HMG20A: variants seen among roughly 807,000 people sequenced by gnomAD.
HMG20A encodes the protein high mobility group 20A.
A neutral mutation model predicts 43.9 loss-of-function variants in HMG20A; 17 were observed. The ratio of observed to expected loss-of-function variants is 0.39; its 90% CI spans 0.27 to 0.58. The LOEUF is 0.58. Among genes scored for constraint, HMG20A ranks in the 20% least tolerant of loss-of-function variants. The probability of loss-of-function intolerance (pLI) is 0.59; values close to 1 mark genes in which losing one functional copy is unlikely to be tolerated. For synonymous variants in HMG20A, 132 were observed against 147.5 expected, an observed-to-expected ratio of 0.89 and a Z score of 0.76; for missense variants, 341 against 438.2, an observed-to-expected ratio of 0.78 and a Z score of 1.98.
chr15:77,444,186 C>T (rs556705931), intron 1 of HMG20A, among the ~76,000 whole-genome samples: 158 of 152,084 alleles, frequency 1.0e-3, no homozygotes, highest in Non-Finnish European at 2.0e-3. Context: ...TAAGTTTTAG[C>T]CCCATTTTAC....
chr15:77,456,597 C>G lies in HMG20A; in HGVS notation c.-4-1807C>G, dbSNP rs111850282. ...TGGGAGGCTGAAGCACAAGAATCAC[C>G]TGAACCTGGGAGGCGTGGGCAACAG... On this transcript the variant is annotated intron_variant, in intron 1 of 9. Coordinates refer to ENST00000336216, the MANE Select transcript of HMG20A (RefSeq NM_001304504.2). 1.9e-3 allele frequency among the ~76,000 whole-genome samples: 284 copies of G among 147,568 alleles called. 4 individuals carry two copies. The highest frequency in any genetic ancestry group is 0.018 in the Middle Eastern group (5 of 284).
At chr15:77,432,924 A>G (rs981439726) in intron 1 of HMG20A, among the ~76,000 whole-genome samples, 3 of 152,196 alleles carry the variant, frequency 2.0e-5, no homozygotes, top group Non-Finnish European at 2.9e-5. Context: ...GTAGGAAGAT[A>G]CTATGAACAA....
chr15:77,486,318 T>C (rs372208058), downstream of HMG20A, among the ~76,000 whole-genome samples: 11 of 150,342 alleles, frequency 7.3e-5, no homozygotes, highest in East Asian at 1.4e-3. Context: ...TGGAGTGCAG[T>C]GGCACGATCT....
chr15:77,440,974 T>C (rs780628891), intron 1 of HMG20A, among the ~76,000 whole-genome samples: 14 of 152,198 alleles, frequency 9.2e-5, no homozygotes, highest in Non-Finnish European at 1.6e-4. Context: ...CATACACGTA[T>C]AGCTCTTAAA....
At chr15:77,460,351 G>A (rs59386622) in intron 2 of HMG20A, among the ~76,000 whole-genome samples, 33,511 of 152,116 alleles carry the variant, frequency 0.22, 4,146 homozygotes, top group Middle Eastern at 0.3. Context: ...GCAGTCAAAG[G>A]CAACTCAAAA....
chr15:77,498,805 A>C, the HMG20A span, among the ~76,000 whole-genome samples: 9 of 152,236 alleles, frequency 5.9e-5, no homozygotes, highest in Non-Finnish European at 1.3e-4. Flanking sequence ...GGGCCACTTC[A>C]GCATCACCTC....
intron 9 of HMG20A, among the ~76,000 whole-genome samples, chr15:77,481,031 G>A (rs1489902376): frequency 6.6e-6 from 1 of 152,178 alleles, no homozygotes; most frequent in Non-Finnish European, 1.5e-5. Context: ...TATTTGTCCT[G>A]TGAGTACATG....
At chr15:77,453,187 C>CA (rs1183702755) in intron 1 of HMG20A, among the ~76,000 whole-genome samples, 1 of 152,180 alleles carries the variant, frequency 6.6e-6, no homozygotes, top group Non-Finnish European at 1.5e-5. Flanking sequence ...GCCAGGATCA[C>CA]ACCAGTGCAC....
downstream of HMG20A, among the ~76,000 whole-genome samples, chr15:77,487,754 C>T (rs898663666): frequency 2.0e-5 from 3 of 152,190 alleles, no homozygotes; most frequent in African/African-American, 7.2e-5. Context: ...AAAGAATTTC[C>T]TGCCTTGCAA....
At chr15:77,426,173 G>A (rs1370469624) in intron 1 of HMG20A, among the ~76,000 whole-genome samples, 9 of 152,084 alleles carry the variant, frequency 5.9e-5, no homozygotes, top group Admixed American at 5.9e-4. Flanking sequence ...AGATAGTGGT[G>A]GTGGTTGCAT....
the HMG20A span, among the ~76,000 whole-genome samples, chr15:77,493,341 G>C: frequency 1.4e-4 from 22 of 152,070 alleles, no homozygotes; most frequent in African/African-American, 5.3e-4. Flanking sequence ...GTCAGGAAAA[G>C]AGCACAAAAA....
intron 4 of HMG20A, among the ~76,000 whole-genome samples, chr15:77,469,959 C>T (rs1220167893): frequency 2.6e-5 from 4 of 152,304 alleles, no homozygotes; most frequent in South Asian, 2.1e-4. Context: ...TGAGCCACCA[C>T]GCTCAGCCTC....
downstream of HMG20A, among the ~76,000 whole-genome samples, chr15:77,488,266 G>C (rs2072955736): frequency 6.6e-6 from 1 of 152,164 alleles, no homozygotes; most frequent in African/African-American, 2.4e-5. Context: ...TTAAGAGCCA[G>C]AGTTTTTTAT....
At chr15:77,462,437 A>G (rs561218958) in intron 2 of HMG20A, among the ~76,000 whole-genome samples, 1 of 152,264 alleles carries the variant, frequency 6.6e-6, no homozygotes, top group South Asian at 2.1e-4. Context: ...GAGAATATCT[A>G]GCACTGCCCA....
At chr15:77,465,554 C>T (rs1424764421) in intron 3 of HMG20A, among the ~76,000 whole-genome samples, 1 of 151,996 alleles carries the variant, frequency 6.6e-6, no homozygotes, top group East Asian at 1.9e-4. Flanking sequence ...TGCCATCATG[C>T]CCAGGCAATT....
chr15:77,468,735 G>T (rs990026221), intron 4 of HMG20A, among the ~76,000 whole-genome samples: 2 of 152,096 alleles, frequency 1.3e-5, no homozygotes, highest in Non-Finnish European at 2.9e-5. Context: ...GTATGTCAAA[G>T]AATATTTTCT....
chr15:77,425,798 A>G (rs1471467964), intron 1 of HMG20A, among the ~76,000 whole-genome samples: 1 of 152,198 alleles, frequency 6.6e-6, no homozygotes, highest in Non-Finnish European at 1.5e-5. Flanking sequence ...ATCCAAGAGA[A>G]CTTAAAACAT....
intron 1 of HMG20A, among the ~76,000 whole-genome samples, chr15:77,440,818 T>G (rs990978323): frequency 6.6e-6 from 1 of 152,176 alleles, no homozygotes; most frequent in African/African-American, 2.4e-5. Flanking sequence ...TGAAAGGAGA[T>G]CTAAATATTT....
chr15:77,502,242 G>A, the HMG20A span, among the ~76,000 whole-genome samples: 14 of 152,176 alleles, frequency 9.2e-5, no homozygotes, highest in African/African-American at 2.7e-4. Flanking sequence ...GAGCTGAGTC[G>A]TTGGAACAGA....
Sources: allele counts gnomAD v4.1 joint callset (sites outside exome capture counted in the v4.1 genomes callset), GRCh38; gene constraint gnomAD v4.1.1; transcripts MANE v1.5; gene names NCBI Gene and HGNC (gene_info 2026-07-23, HGNC 2026-07-21).